The following PIK3CB variants were observed in gnomAD, a reference collection of about 807,000 sequenced individuals.
PIK3CB encodes phosphatidylinositol 4,5-bisphosphate 3-kinase catalytic subunit beta isoform.
In PIK3CB, 39 loss-of-function variants were observed where a neutral mutation model predicts 136.8. The observed-to-expected ratio is 0.29, with a 90% confidence interval of 0.22 to 0.37. The LOEUF is 0.37. Ranked by LOEUF, PIK3CB falls within the 10% of genes least tolerant of loss-of-function variation. The probability of loss-of-function intolerance (pLI) is 1.00; values close to 1 mark genes in which losing one functional copy is unlikely to be tolerated. For missense variants in PIK3CB, 868 were observed against 1,275.4 expected (o/e 0.68, Z 4.87); for synonymous variants, 428 against 436.6 (o/e 0.98, Z 0.25).
At chr3:138,726,267 T>C (rs961666240) in intron 8 of PIK3CB, among the ~76,000 whole-genome samples, 6 of 152,238 alleles carry the variant, frequency 3.9e-5, no homozygotes, top group Non-Finnish European at 7.3e-5. Flanking sequence ...TTTCCTGAGC[T>C]TATCTCACTC....
chr3:138,833,906 T>C (rs142461639), intron 1 of PIK3CB, among the ~76,000 whole-genome samples: 42 of 152,282 alleles, frequency 2.8e-4, no homozygotes, highest in African/African-American at 8.4e-4. Flanking sequence ...AATTCAGCCC[T>C]GCGGGAAGAG....
intron 1 of PIK3CB, among the ~76,000 whole-genome samples, chr3:138,802,273 G>A (rs1344743194): frequency 5.9e-5 from 9 of 151,450 alleles, no homozygotes; most frequent in African/African-American, 2.2e-4. Flanking sequence ...CCAGTTACTC[G>A]GGAGGCTGAG....
intron 19 of PIK3CB, among the ~76,000 whole-genome samples, chr3:138,668,710 T>G (rs1213791644): frequency 6.6e-6 from 1 of 152,230 alleles, no homozygotes; most frequent in African/African-American, 2.4e-5. Context: ...TATATATTCA[T>G]GGGGTAGAAG....
chr3:138,685,175 G>C (rs577298149), intron 16 of PIK3CB: 1 of 165,794 alleles, frequency 6.0e-6, no homozygotes, highest in Non-Finnish European at 1.3e-5. Context: ...TGGATCACTT[G>C]AGGTCAGGAG....
At chr3:138,716,763 G>A (rs1451125856) in intron 8 of PIK3CB, among the ~76,000 whole-genome samples, 1 of 151,470 alleles carries the variant, frequency 6.6e-6, no homozygotes, top group African/African-American at 2.4e-5. Flanking sequence ...GGGTGTGGTG[G>A]AGAGCACCTG....
At chr3:138,768,590 A>G (rs2045762811) in intron 2 of PIK3CB, among the ~76,000 whole-genome samples, 1 of 152,134 alleles carries the variant, frequency 6.6e-6, no homozygotes, top group Admixed American at 6.5e-5. Context: ...TGAGGACCCA[A>G]CCTACTTCCA....
chr3:138,691,820 G>A (rs575843903), intron 14 of PIK3CB, among the ~76,000 whole-genome samples: 16 of 152,210 alleles, frequency 1.1e-4, no homozygotes, highest in African/African-American at 3.4e-4. Flanking sequence ...AAAATATTAG[G>A]TACTTTAATA....
intron 13 of PIK3CB, 73 bp downstream of exon 13, chr3:138,698,833 GA>G: frequency 1.2e-6 from 1 of 869,414 alleles, no homozygotes; most frequent in South Asian, 2.6e-5. Context: ...ATACCTATGA[GA>G]AAAGGATACT....
At chr3:138,805,311 T>A (rs1392649163) in intron 1 of PIK3CB, among the ~76,000 whole-genome samples, 1 of 143,118 alleles carries the variant, frequency 7.0e-6, no homozygotes, top group Non-Finnish European at 1.5e-5. Context: ...CCAGCCTGGG[T>A]GACAGAGCGA....
At chr3:138,809,468 T>G (rs1425409409) in intron 1 of PIK3CB, among the ~76,000 whole-genome samples, 1 of 151,816 alleles carries the variant, frequency 6.6e-6, no homozygotes, top group Admixed American at 6.6e-5. Flanking sequence ...TAGCTGGGCA[T>G]GGTGGCAGGC....
At chr3:138,768,892 C>T (rs1028492408) in intron 2 of PIK3CB, among the ~76,000 whole-genome samples, 2 of 152,178 alleles carry the variant, frequency 1.3e-5, no homozygotes, top group Non-Finnish European at 2.9e-5. Context: ...CAGGCATTTC[C>T]GAGCCTGAGA....
chr3:138,824,448 AAAGGGTC>A (rs1933692745), intron 1 of PIK3CB, among the ~76,000 whole-genome samples: 1 of 152,158 alleles, frequency 6.6e-6, no homozygotes, highest in Non-Finnish European at 1.5e-5. Flanking sequence ...ACTCCCAGTT[AAAGGGTC>A]AACCTCAGGT....
intron 8 of PIK3CB, among the ~76,000 whole-genome samples, chr3:138,733,137 T>C (rs2045023991): frequency 6.6e-6 from 1 of 151,410 alleles, no homozygotes; most frequent in Non-Finnish European, 1.5e-5. Flanking sequence ...TGTCAATCTT[T>C]CCAGTAGATC....
At chr3:138,826,236 A>T in intron 1 of PIK3CB, 1 of 1,520,410 alleles carries the variant, frequency 6.6e-7, no homozygotes, top group East Asian at 2.2e-5. Context: ...TATGAAACAG[A>T]GTTGCCGTGG....
chr3:138,712,567 T>G (rs543083791), intron 9 of PIK3CB, among the ~76,000 whole-genome samples: 2 of 151,204 alleles, frequency 1.3e-5, no homozygotes, highest in Admixed American at 6.6e-5. Flanking sequence ...CTTGTGAAAA[T>G]GATTTTTTTT....
At chr3:138,720,694 C>T (rs558937961) in intron 8 of PIK3CB, among the ~76,000 whole-genome samples, 1 of 152,166 alleles carries the variant, frequency 6.6e-6, no homozygotes, top group South Asian at 2.1e-4. Context: ...TGGCAAAAGC[C>T]CATCTCTACA....
chr3:138,675,446 T>C (rs904874488), intron 19 of PIK3CB, among the ~76,000 whole-genome samples: 1 of 151,986 alleles, frequency 6.6e-6, no homozygotes, highest in African/African-American at 2.4e-5. Flanking sequence ...AAAACAATAA[T>C]ATATATGTCC....
At position 138,710,908 on chromosome 3, in the gene PIK3CB, C is replaced by G. The variant is rs182748786; in HGVS notation, c.1399+1300G>C. Among the ~76,000 whole-genome samples, 1,260 of 151,738 alleles carry G rather than the reference C, an allele frequency of 8.3e-3. 28 individuals carry two copies. Among genetic ancestry groups the G allele is most frequent in the African/African-American group, 0.029 (1,203 of 41,390 alleles). ...GACGATCCTGGCTAACACTGTGAAA[C>G]CCCGTCTCTATTAAAAATACAAAAA... is the stretch of plus-strand genomic sequence containing the variant. On this transcript the variant is annotated intron_variant, in intron 10 of 23. Coordinates refer to ENST00000674063, the MANE Select transcript of PIK3CB (RefSeq NM_006219.3).
chr3:138,759,037 A>T, intron 3 of PIK3CB, 136 bp downstream of exon 3: 1 of 507,808 alleles, frequency 2.0e-6, no homozygotes, highest in Non-Finnish European at 3.3e-6. Context: ...AACATAAACT[A>T]ATTTTTCTTA....
Sources: gnomAD v4.1 joint callset for allele counts (sites outside exome capture counted in the v4.1 genomes callset) on GRCh38, gnomAD v4.1.1 for gene constraint, MANE v1.5 for transcripts, NCBI Gene and HGNC (gene_info 2026-07-23, HGNC 2026-07-21) for gene names.